Variants in BRAF observed in about 807,000 individuals in gnomAD.
The protein encoded by BRAF is B-Raf proto-oncogene, serine/threonine kinase.
BRAF carries 16 observed loss-of-function variants against 104.6 expected under a neutral mutation model. The observed-to-expected ratio is 0.15, with a 90% confidence interval of 0.10 to 0.23. The LOEUF is 0.23. BRAF is among the 10% of genes least tolerant of loss of function. The probability of loss-of-function intolerance (pLI) is 1.00; values close to 1 mark genes in which losing one functional copy is unlikely to be tolerated. For missense variants in BRAF, 541 were observed against 937.3 expected (o/e 0.58, Z 5.52); for synonymous variants, 310 against 341.6 (o/e 0.91, Z 1.02).
chr7:140,862,322 A>C (rs978549870), intron 1 of BRAF, among the ~76,000 whole-genome samples: 2 of 152,164 alleles, frequency 1.3e-5, no homozygotes, highest in East Asian at 1.9e-4. Flanking sequence ...GAAGGTAGAG[A>C]GGTTAAAAAA....
At chr7:140,732,985 G>A (rs950062229) in intron 19 of BRAF, 3 of 152,070 alleles carry the variant, frequency 2.0e-5, no homozygotes, top group Admixed American at 2.0e-4. Context: ...CATATACTTA[G>A]ATATTTTCCA....
At chr7:140,753,418 A>G (rs1295872457) in intron 15 of BRAF, 25 bp from the exon 15 acceptor site, 1 of 1,432,158 alleles carries the variant, frequency 7.0e-7, no homozygotes, top group Admixed American at 1.7e-5. Context: ...GTAAAGGAAA[A>G]CAGTAGATCT....
rs1795430585 is a variant in BRAF, at chr7:140,723,599, G to A, written c.*2895C>T. 6.7e-6 allele frequency: 7 copies of A among 1,049,530 alleles called. No individual in the cohort carries two copies. In the South Asian group the frequency reaches 3.2e-4, roughly 48 times the overall value. 65.0% of individuals were successfully genotyped at this position (1,049,530 alleles called of 1,614,324 possible). A position where few individuals can be genotyped will look rare whatever the true frequency, so the allele number is the denominator to read the frequency against. On this transcript the variant is annotated 3_prime_UTR_variant, in exon 20 of 20. Coordinates refer to ENST00000644969, the MANE Select transcript of BRAF (RefSeq NM_001374258.1). ...GGTCAATATTATTTCAGTGGCAAAA[G>A]TCTAGGTCCTTGACTCTAACGATGA...
At chr7:140,857,174 G>A (rs1429805826) in intron 1 of BRAF, among the ~76,000 whole-genome samples, 1 of 152,162 alleles carries the variant, frequency 6.6e-6, no homozygotes, top group East Asian at 1.9e-4. Context: ...GGAAATAAAA[G>A]GGAATTTTAC....
Position 140,719,472 on chromosome 7 carries a change from A to G in BRAF, c.*7022T>C, listed in dbSNP as rs968198336. 9.8e-7 allele frequency: 1 copy of G among 1,016,454 alleles called. No individual in the cohort carries two copies. Among genetic ancestry groups the G allele is most frequent in the African/African-American group, 1.7e-5 (1 of 59,128 alleles). 63.0% of individuals were successfully genotyped at this position (1,016,454 alleles called of 1,614,324 possible). A position where few individuals can be genotyped will look rare whatever the true frequency, so the allele number is the denominator to read the frequency against. On this transcript the variant is annotated 3_prime_UTR_variant, in exon 20 of 20. Coordinates refer to ENST00000644969, the MANE Select transcript of BRAF (RefSeq NM_001374258.1). ...AATTTCTTCAATCTGAATTTCAGCT[A>G]TCTTTTTTTATTCTCCATGCTTTCT... is the stretch of plus-strand genomic sequence containing the variant.
intron 1 of BRAF, among the ~76,000 whole-genome samples, chr7:140,867,528 T>C (rs1399688258): frequency 7.0e-6 from 1 of 143,536 alleles, no homozygotes; most frequent in East Asian, 2.0e-4. Flanking sequence ...AGATAAACGC[T>C]AAAAAAAAAA....
At chr7:140,919,688 C>G (rs7785306) in intron 1 of BRAF, among the ~76,000 whole-genome samples, 1 of 151,852 alleles carries the variant, frequency 6.6e-6, no homozygotes, top group Non-Finnish European at 1.5e-5. Flanking sequence ...ACAAATGAGG[C>G]TATATTTTTC....
intron 12 of BRAF, chr7:140,781,352 TA>T: frequency 1.8e-6 from 1 of 546,650 alleles, no homozygotes; most frequent in East Asian, 3.1e-5. Flanking sequence ...AATTCCCCTT[TA>T]AAAATTATTA....
intron 1 of BRAF, among the ~76,000 whole-genome samples, chr7:140,875,182 T>C (rs969340025): frequency 6.6e-6 from 1 of 152,162 alleles, no homozygotes; most frequent in Admixed American, 6.5e-5. Flanking sequence ...AGATCTAACA[T>C]CTGTGTCAGT....
At chr7:140,873,086 C>A (rs1811794441) in intron 1 of BRAF, among the ~76,000 whole-genome samples, 1 of 150,458 alleles carries the variant, frequency 6.6e-6, no homozygotes, top group Admixed American at 6.6e-5. Context: ...TAAAGCTGGA[C>A]AAAACCGTCA....
chr7:140,820,169 C>T lies in BRAF; in HGVS notation c.505-11174G>A, dbSNP rs1223704126. ...ACACACAGGATTCAAGTCAAATATA[C>T]TTTAAATTTTATTAGATTGGTAATA... On this transcript the variant is annotated intron_variant, in intron 3 of 19. Coordinates refer to ENST00000644969, the MANE Select transcript of BRAF (RefSeq NM_001374258.1). Among the ~76,000 whole-genome samples, 6 of 152,218 alleles carry T rather than the reference C, an allele frequency of 3.9e-5. No homozygotes were observed. In the East Asian group the frequency reaches 1.2e-3, roughly 29 times the overall value.
chr7:140,895,602 G>A (rs1814790682), intron 1 of BRAF, among the ~76,000 whole-genome samples: 1 of 152,058 alleles, frequency 6.6e-6, no homozygotes, highest in South Asian at 2.1e-4. Context: ...TTCCCAGCCC[G>A]AGTATCCTCT....
intron 10 of BRAF, 39 bp from the exon 10 acceptor site, chr7:140,783,196 A>G: frequency 6.2e-7 from 1 of 1,610,294 alleles, no homozygotes; most frequent in Middle Eastern, 1.7e-4. Context: ...ATTAAGGAGG[A>G]GCAAGTATGT....
chr7:140,885,175 A>G (rs150042836), intron 1 of BRAF, among the ~76,000 whole-genome samples: 59 of 152,062 alleles, frequency 3.9e-4, no homozygotes, highest in African/African-American at 1.4e-3. Context: ...CCCAGCTACC[A>G]TATTTTTGGT....
At chr7:140,901,379 G>A (rs1386391960) in intron 1 of BRAF, among the ~76,000 whole-genome samples, 1 of 152,174 alleles carries the variant, frequency 6.6e-6, no homozygotes, top group Non-Finnish European at 1.5e-5. Context: ...TAACCAGGAT[G>A]AGCAGTGCCT....
intron 1 of BRAF, among the ~76,000 whole-genome samples, chr7:140,864,303 T>C (rs1375181607): frequency 6.6e-6 from 1 of 152,076 alleles, no homozygotes; most frequent in Non-Finnish European, 1.5e-5. Context: ...GGATTAGACA[T>C]GGAGGAAGAG....
At chr7:140,815,708 T>C (rs1562973927) in intron 3 of BRAF, among the ~76,000 whole-genome samples, 2 of 152,110 alleles carry the variant, frequency 1.3e-5, no homozygotes, top group African/African-American at 2.4e-5. Context: ...AGTGCTGGGA[T>C]TACAGGTGTG....
chr7:140,796,863 T>C (rs1275493471), intron 7 of BRAF, among the ~76,000 whole-genome samples: 2 of 152,230 alleles, frequency 1.3e-5, no homozygotes, highest in Admixed American at 6.5e-5. Context: ...GAGTGAGTGG[T>C]GGCGCACACA....
chr7:140,898,932 A>G (rs1815270489), intron 1 of BRAF, among the ~76,000 whole-genome samples: 2 of 152,144 alleles, frequency 1.3e-5, no homozygotes, highest in South Asian at 2.1e-4. Context: ...AGATTCATAC[A>G]TATTGATGCA....
Sources: allele counts gnomAD v4.1 joint callset (sites outside exome capture counted in the v4.1 genomes callset), GRCh38; gene constraint gnomAD v4.1.1; transcripts MANE v1.5; gene names NCBI Gene and HGNC (gene_info 2026-07-23, HGNC 2026-07-21).